TMEM229B: variants seen among roughly 807,000 people sequenced by gnomAD.
TMEM229B encodes the protein transmembrane protein 229B.
Under a neutral mutation model 13.7 loss-of-function variants are expected in TMEM229B, and 6 were observed. The observed-to-expected ratio is 0.44, with a 90% CI of 0.24 to 0.86. The LOEUF is 0.86. TMEM229B is among the 40% of genes least tolerant of loss of function. The probability of loss-of-function intolerance (pLI) is 0.23; values close to 1 mark genes in which losing one functional copy is unlikely to be tolerated. For synonymous variants in TMEM229B, 107 were observed against 102.1 expected (o/e 1.05, Z -0.29); for missense variants, 170 against 236.0 (o/e 0.72, Z 1.83).
rs1231262884 is a variant in TMEM229B at position 67,470,270 on chromosome 14, GGA to G, written c.*3148_*3149del. The G allele has an allele frequency of 1.3e-5, 2 of 152,208 alleles. No individual in the cohort carries two copies. Among genetic ancestry groups the G allele is most frequent in the Non-Finnish European group, 2.9e-5 (2 of 68,068 alleles). The allele number at this position is 152,208 out of a possible 1,614,324, so 9.4% of individuals were successfully genotyped here. On this transcript the variant is annotated 3_prime_UTR_variant, in exon 3 of 3. Transcript: ENST00000554480. ...AAACAGATGGGCCAGAGCCAGTCCT[GGA>G]ACACAAACACCAGTATATTTTATGT...
At chr14:67,482,853 C>T (rs1289475917) in intron 2 of TMEM229B, among the ~76,000 whole-genome samples, 4 of 152,200 alleles carry the variant, frequency 2.6e-5, no homozygotes, top group African/African-American at 7.2e-5. Context: ...ATTAGTGATA[C>T]TGCAGGCCTT....
At chr14:67,500,573 AT>A (rs529810754) in intron 1 of TMEM229B, among the ~76,000 whole-genome samples, 254 of 138,734 alleles carry the variant, frequency 1.8e-3, no homozygotes, top group East Asian at 1.9e-3. Flanking sequence ...GTGCATTTGG[AT>A]TTTTTTTTTT....
chr14:67,502,667 G>T (rs1187022099), intron 1 of TMEM229B, among the ~76,000 whole-genome samples: 2 of 151,874 alleles, frequency 1.3e-5, no homozygotes, highest in Non-Finnish European at 2.9e-5. Flanking sequence ...GGTCAGGCTG[G>T]TCTCAAACTC....
rs1207313494 is a variant in TMEM229B at position 67,471,747 on chromosome 14, C to A, written c.*1673G>T. ...ACCTAGGACACAACTGTGGCCCACC[C>A]CACCACACCCTGCACCCCACCACAC... On this transcript the variant is annotated 3_prime_UTR_variant, in exon 3 of 3. Coordinates refer to ENST00000554480, the MANE Select transcript of TMEM229B (RefSeq NM_001348543.2). The A allele has an allele frequency of 6.6e-6, 1 of 152,384 alleles. No homozygotes were observed. The highest frequency in any genetic ancestry group is 1.5e-5 in the Non-Finnish European group (1 of 68,190). The allele number at this position is 152,384 out of a possible 1,614,324, so 9.4% of individuals were successfully genotyped here.
chr14:67,497,653 T>C (rs1434688509), intron 1 of TMEM229B, among the ~76,000 whole-genome samples: 2 of 152,342 alleles, frequency 1.3e-5, no homozygotes, highest in East Asian at 3.9e-4. Context: ...TTGCACGATT[T>C]TAACACATGC....
chr14:67,529,000 G>T (rs2033407647), intron 1 of TMEM229B, among the ~76,000 whole-genome samples: 1 of 152,076 alleles, frequency 6.6e-6, no homozygotes, highest in South Asian at 2.1e-4. Context: ...CTTCCATGCT[G>T]CTCCTCCTGG....
chr14:67,473,472 C>A lies in TMEM229B; in HGVS notation c.452G>T (p.Gly151Val). 6.2e-7 allele frequency: 1 copy of A among 1,614,210 alleles called. No individual in the cohort carries two copies. The highest frequency in any genetic ancestry group is 2.2e-5 in the East Asian group (1 of 44,876). The change falls in exon 3 of 3, where the codon GGG (glycine) becomes GTG (valine). Residue 151 changes from glycine (G) to valine (V), a missense_variant. By Grantham distance (109) the Gly-to-Val change is moderately radical (BLOSUM62 -3). Coordinates refer to ENST00000554480, the MANE Select transcript of TMEM229B (RefSeq NM_001348543.2). This position sits in a 1 kb window ranked among gnomAD's most constrained non-coding sequence, Gnocchi z 6.5. ...RLRFDKDAEP[G>V]EPSGALALAN... ...CAGGGCTAGGGCGCCGCTGGGCTCC[C>A]CGGGCTCAGCGTCCTTGTCGAAGCG... is the stretch of plus-strand genomic sequence containing the variant.
intron 2 of TMEM229B, among the ~76,000 whole-genome samples, chr14:67,481,824 CT>C (rs1232257508): frequency 6.6e-6 from 1 of 152,186 alleles, no homozygotes; most frequent in Admixed American, 6.5e-5. Context: ...CTGGGAAAGC[CT>C]GCTGCAGGGA....
chr14:67,526,487 G>C (rs905262930), intron 1 of TMEM229B, among the ~76,000 whole-genome samples: 1 of 152,260 alleles, frequency 6.6e-6, no homozygotes, highest in Non-Finnish European at 1.5e-5. Flanking sequence ...AACTAAGAAA[G>C]GGGAGAATAT....
chr14:67,502,237 A>G (rs2032637338), intron 1 of TMEM229B, among the ~76,000 whole-genome samples: 2 of 151,954 alleles, frequency 1.3e-5, no homozygotes, highest in Non-Finnish European at 2.9e-5. Flanking sequence ...AGGCTGAGGC[A>G]GGAGAATCAC....
chr14:67,475,349 A>T (rs566066139), intron 2 of TMEM229B, among the ~76,000 whole-genome samples: 1 of 152,340 alleles, frequency 6.6e-6, no homozygotes, highest in African/African-American at 2.4e-5. Flanking sequence ...TGCTATGAAC[A>T]CGGGTGTACA....
At chr14:67,493,974 C>A (rs187683473) in intron 1 of TMEM229B, among the ~76,000 whole-genome samples, 231 of 152,042 alleles carry the variant, frequency 1.5e-3, no homozygotes, top group African/African-American at 5.4e-3. Flanking sequence ...TCCATCTGAA[C>A]CAATCGGTAC....
At chr14:67,509,471 G>A (rs746628660) in intron 1 of TMEM229B, among the ~76,000 whole-genome samples, 2 of 152,024 alleles carry the variant, frequency 1.3e-5, no homozygotes, top group Admixed American at 6.6e-5. Flanking sequence ...GGCACGAGCC[G>A]CCATGCACAG....
chr14:67,497,846 C>T lies in TMEM229B; in HGVS notation c.-191-10674G>A, dbSNP rs548535165. ...ATCTTGTGGGTGTTTGTGTATGTTACATTCTCGGTGAGTCTATGTAAAGGT... is the reference window on the plus strand; with the variant it reads ...ATCTTGTGGGTGTTTGTGTATGTTATATTCTCGGTGAGTCTATGTAAAGGT... On this transcript the variant is annotated intron_variant, in intron 1 of 2. Transcript: ENST00000357461. 1.6e-4 allele frequency among the ~76,000 whole-genome samples: 24 copies of T among 152,184 alleles called. No homozygotes were observed. In the East Asian group the frequency reaches 4.5e-3, roughly 28 times the overall value.
chr14:67,493,316 C>G (rs1396649344), upstream of TMEM229B, among the ~76,000 whole-genome samples: 1 of 152,228 alleles, frequency 6.6e-6, no homozygotes, highest in Non-Finnish European at 1.5e-5. Flanking sequence ...GTGTACTTGT[C>G]TTTCCCGCCA....
intron 2 of TMEM229B, among the ~76,000 whole-genome samples, chr14:67,483,446 A>T (rs1305866777): frequency 3.3e-5 from 5 of 151,926 alleles, no homozygotes; most frequent in African/African-American, 1.2e-4. Flanking sequence ...GGGCACTACC[A>T]TTTTCTGAGT....
intron 1 of TMEM229B, among the ~76,000 whole-genome samples, chr14:67,530,308 G>T (rs1669883906): frequency 6.6e-6 from 1 of 152,100 alleles, no homozygotes; most frequent in East Asian, 1.9e-4. Context: ...TACAAACATG[G>T]AATTAATTCA....
intron 1 of TMEM229B, among the ~76,000 whole-genome samples, chr14:67,522,291 A>G (rs1053847106): frequency 6.6e-6 from 1 of 152,218 alleles, no homozygotes. Flanking sequence ...TTTCTGACTC[A>G]GCAGTCAGCC....
At chr14:67,485,432 C>T (rs12878688) in intron 2 of TMEM229B, among the ~76,000 whole-genome samples, 1 of 152,230 alleles carries the variant, frequency 6.6e-6, no homozygotes, top group South Asian at 2.1e-4. Flanking sequence ...CTAGGAGAGT[C>T]AAGATCTACC....
Sources: gnomAD v4.1 joint callset for allele counts (sites outside exome capture counted in the v4.1 genomes callset) on GRCh38, gnomAD v4.1.1 for gene constraint, Gnocchi (gnomAD v3.1) non-coding constraint, MANE v1.5 for transcripts, NCBI Gene and HGNC (gene_info 2026-07-23, HGNC 2026-07-21) for gene names.